The following FNIP2 variants were observed in gnomAD, a reference collection of about 807,000 sequenced individuals.
FNIP2 encodes the protein folliculin interacting protein 2.
A neutral mutation model predicts 108.7 loss-of-function variants in FNIP2; 32 were observed. That is an observed-to-expected ratio of 0.29 (90% CI 0.22 to 0.40). The LOEUF is 0.40. Ranked by LOEUF, FNIP2 falls within the 10% of genes least tolerant of loss-of-function variation. The pLI is 1.00. For synonymous variants in FNIP2, 480 were observed against 496.7 expected, an observed-to-expected ratio of 0.97 and a Z score of 0.45; for missense variants, 1,202 against 1,381.6, an observed-to-expected ratio of 0.87 and a Z score of 2.06.
At chr4:158,888,891 A>C (rs951755804) in intron 14 of FNIP2, among the ~76,000 whole-genome samples, 6 of 151,846 alleles carry the variant, frequency 4.0e-5, no homozygotes, top group Non-Finnish European at 7.4e-5. Flanking sequence ...AAAAAAAAAA[A>C]AGTAAGAAAC....
intron 15 of FNIP2, among the ~76,000 whole-genome samples, chr4:158,894,981 G>A (rs1469239168): frequency 1.3e-5 from 2 of 152,152 alleles, no homozygotes; most frequent in African/African-American, 4.8e-5. Context: ...AATTAGGTAT[G>A]ATGGAATTAC....
At chr4:158,795,654 CCACAGACCAGCCA>C (rs909828270) in intron 1 of FNIP2, among the ~76,000 whole-genome samples, 1 of 152,176 alleles carries the variant, frequency 6.6e-6, no homozygotes, top group African/African-American at 2.4e-5. Context: ...AACTCCTAAG[CCACAGACCAGCCA>C]CACAGAGCAG....
intron 7 of FNIP2, among the ~76,000 whole-genome samples, chr4:158,850,503 C>T (rs1194016253): frequency 6.6e-6 from 1 of 151,308 alleles, no homozygotes; most frequent in Non-Finnish European, 1.5e-5. Context: ...CTTCCTGAGA[C>T]ACAGGTGTAG....
intron 16 of FNIP2, among the ~76,000 whole-genome samples, chr4:158,898,312 G>C (rs920475018): frequency 2.0e-5 from 3 of 152,150 alleles, no homozygotes; most frequent in Non-Finnish European, 4.4e-5. Flanking sequence ...GATTGCCTTG[G>C]CTATGCAGGC....
At chr4:158,847,373 A>G (rs1423657305) in intron 7 of FNIP2, among the ~76,000 whole-genome samples, 1 of 152,194 alleles carries the variant, frequency 6.6e-6, no homozygotes, top group Non-Finnish European at 1.5e-5. Context: ...GAGAGGGAAC[A>G]GTAAAGAGGA....
intron 14 of FNIP2, chr4:158,890,142 T>A: frequency 1.0e-6 from 1 of 985,114 alleles, no homozygotes; most frequent in African/African-American, 1.7e-5. Context: ...TATCAAATTC[T>A]TTATCTCTCA....
At position 158,904,713 on chromosome 4, in the gene FNIP2, CTT is replaced by C. The variant is rs1213114742; in HGVS notation, c.*170_*171del. On this transcript the variant is annotated 3_prime_UTR_variant, in exon 17 of 17. Transcript: ENST00000264433. Reference sequence around the variant, plus strand: ...TGTCAAGCTGATGCTTCATTGAAGACTTAGGTTTACTTGACATAATAGCATTT... The same window carrying C: ...TGTCAAGCTGATGCTTCATTGAAGACAGGTTTACTTGACATAATAGCATTT... The C allele has an allele frequency of 1.7e-6, 1 of 604,814 alleles. No homozygotes were observed. Among genetic ancestry groups the C allele is most frequent in the Non-Finnish European group, 2.9e-6 (1 of 342,168 alleles). The allele number at this position is 604,814 out of a possible 1,614,324, so 37.5% of individuals were successfully genotyped here. A position where few individuals can be genotyped will look rare whatever the true frequency, so the allele number is the denominator to read the frequency against.
chr4:158,907,195 G>A lies in FNIP2; in HGVS notation c.*2651G>A, dbSNP rs1413556481. On this transcript the variant is annotated 3_prime_UTR_variant, in exon 17 of 17. Coordinates refer to ENST00000264433, the MANE Select transcript of FNIP2 (RefSeq NM_020840.3). ...AATGAATGTAAAGGTAATTGTGTACGTTTTAGACATGACAATGAAAATTTA... is the reference window on the plus strand; with the variant it reads ...AATGAATGTAAAGGTAATTGTGTACATTTTAGACATGACAATGAAAATTTA... The A allele has an allele frequency of 2.6e-5, 4 of 152,298 alleles. No individual in the cohort carries two copies. The highest frequency in any genetic ancestry group is 2.4e-5 in the African/African-American group (1 of 41,576). The allele number at this position is 152,298 out of a possible 1,614,324, so 9.4% of individuals were successfully genotyped here. A position where few individuals can be genotyped will look rare whatever the true frequency, so the allele number is the denominator to read the frequency against.
intron 6 of FNIP2, chr4:158,834,755 C>G (rs1164039827): frequency 6.6e-6 from 1 of 152,246 alleles, no homozygotes; most frequent in Non-Finnish European, 1.5e-5. Context: ...CTGAAGCATT[C>G]CTAGAAGTCT....
intron 12 of FNIP2, among the ~76,000 whole-genome samples, chr4:158,863,967 T>C (rs912419910): frequency 6.6e-6 from 1 of 152,208 alleles, no homozygotes; most frequent in Non-Finnish European, 1.5e-5. Context: ...CAAAACACAG[T>C]GGAATTAGAC....
rs1438127726 is a variant in FNIP2 at position 158,906,806 on chromosome 4, A to AG, written c.*2263dup. 6.6e-6 allele frequency: 1 copy of AG among 152,120 alleles called. No homozygotes were observed. Among genetic ancestry groups the AG allele is most frequent in the Non-Finnish European group, 1.5e-5 (1 of 68,028 alleles). 9.4% of individuals were successfully genotyped at this position (152,120 alleles called of 1,614,324 possible). A position where few individuals can be genotyped will look rare whatever the true frequency, so the allele number is the denominator to read the frequency against. On this transcript the variant is annotated 3_prime_UTR_variant, in exon 17 of 17. Coordinates refer to ENST00000264433, the MANE Select transcript of FNIP2 (RefSeq NM_020840.3). ...TTCAGCCTCTTCCTAAAAGCAAAAAAGAAAAAAAAAACCTCACAGAATTGT... is the reference window on the plus strand; with the variant it reads ...TTCAGCCTCTTCCTAAAAGCAAAAAAGGAAAAAAAAAACCTCACAGAATTGT...
At chr4:158,899,301 G>A (rs913972510) in intron 16 of FNIP2, among the ~76,000 whole-genome samples, 31 of 152,142 alleles carry the variant, frequency 2.0e-4, no homozygotes, top group African/African-American at 7.2e-4. Flanking sequence ...ATATTGGCCT[G>A]ACATTTTCTT....
rs188649012 is a variant in FNIP2, at chr4:158,883,115, A to C, written c.2950-8331A>C. Reference sequence around the variant, plus strand: ...ATAAAATCAAGCTAACACACACAAAAAAAAAATGAAGCCAAAGAATCATGT... The same window carrying C: ...ATAAAATCAAGCTAACACACACAAACAAAAAATGAAGCCAAAGAATCATGT... On this transcript the variant is annotated intron_variant, in intron 14 of 16. Transcript: ENST00000264433. 2.9e-3 allele frequency among the ~76,000 whole-genome samples: 443 copies of C among 152,328 alleles called. 4 individuals are homozygous for C. The highest frequency in any genetic ancestry group is 9.7e-3 in the African/African-American group (405 of 41,580).
chr4:158,871,976 T>G, intron 14 of FNIP2: 1 of 985,408 alleles, frequency 1.0e-6, no homozygotes, highest in Non-Finnish European at 1.2e-6. Context: ...TCCTATTGTT[T>G]ATATTCACAC....
chr4:158,888,268 T>A (rs1191507765), intron 14 of FNIP2, among the ~76,000 whole-genome samples: 1 of 152,224 alleles, frequency 6.6e-6, no homozygotes, highest in African/African-American at 2.4e-5. Context: ...GAATATGTAA[T>A]TCTTGGAGTT....
At chr4:158,815,675 C>G (rs959870683) in intron 1 of FNIP2, among the ~76,000 whole-genome samples, 28 of 152,138 alleles carry the variant, frequency 1.8e-4, no homozygotes, top group Non-Finnish European at 1.5e-5. Context: ...AGTAATCCAG[C>G]TTTCTACTCC....
chr4:158,803,837 T>G (rs920561775), intron 1 of FNIP2, among the ~76,000 whole-genome samples: 1 of 152,192 alleles, frequency 6.6e-6, no homozygotes, highest in Non-Finnish European at 1.5e-5. Flanking sequence ...AAGGGAGAAA[T>G]GGAGTGTGAG....
chr4:158,834,329 T>TCTCTCTCTCTCTCTCTCTCTCTCTCTCC (rs1194083212), intron 6 of FNIP2: 2 of 149,428 alleles, frequency 1.3e-5, no homozygotes, highest in Non-Finnish European at 2.9e-5. Context: ...TCTCTCTCTC[T>TCTCTCTCTCTCTCTCTCTCTCTCTCTCC]CCCTCTCTAA....
At chr4:158,865,253 T>C (rs202044760) in intron 12 of FNIP2, among the ~76,000 whole-genome samples, 1 of 152,222 alleles carries the variant, frequency 6.6e-6, no homozygotes, top group East Asian at 1.9e-4. Context: ...TACATTCACA[T>C]TGTTGTGCAA....
Sources: allele counts gnomAD v4.1 joint callset (sites outside exome capture counted in the v4.1 genomes callset), GRCh38; gene constraint gnomAD v4.1.1; transcripts MANE v1.5; gene names NCBI Gene and HGNC (gene_info 2026-07-23, HGNC 2026-07-21).